The following NSG2 variants were observed in gnomAD, a reference collection of about 807,000 sequenced individuals.
NSG2 encodes neuronal vesicle trafficking associated 2.
In NSG2, 4 loss-of-function variants were observed where a neutral mutation model predicts 16.9. The ratio of observed to expected loss-of-function variants is 0.24; its 90% CI spans 0.12 to 0.54. NSG2 has a LOEUF of 0.54. Among genes scored for constraint, NSG2 ranks in the 20% least tolerant of loss-of-function variants. NSG2 has a pLI of 0.95. For missense variants in NSG2, 179 were observed against 221.1 expected (o/e 0.81, Z 1.21); for synonymous variants, 98 against 88.7 (o/e 1.11, Z -0.59).
At chr5:174,082,314 G>C (rs2113455792) in intron 3 of NSG2, 1 of 152,342 alleles carries the variant, frequency 6.6e-6, no homozygotes, top group South Asian at 2.1e-4. Context: ...CCAGGGTGCG[G>C]ACATACAGCT....
At position 174,072,573 on chromosome 5, in the gene NSG2, A is replaced by G. The variant is rs1760262141; in HGVS notation, c.213+8258A>G. ...CTAGTACCAATTAAACAGAGTTGGC[A>G]TCAGTGAGTTACCTACTAGGTCTCC... On this transcript the variant is annotated intron_variant, in intron 3 of 4. Coordinates refer to ENST00000303177, the MANE Select transcript of NSG2 (RefSeq NM_015980.5). The surrounding 1 kb of genome is among the most constrained non-coding windows in gnomAD (Gnocchi z 4.0). Among the ~76,000 whole-genome samples the G allele has an allele frequency of 6.6e-6, 1 of 152,260 alleles. No homozygotes were observed. The highest frequency in any genetic ancestry group is 1.5e-5 in the Non-Finnish European group (1 of 68,040).
At chr5:174,086,497 G>C (rs1383891978) in intron 3 of NSG2, 6 of 152,240 alleles carry the variant, frequency 3.9e-5, no homozygotes, top group Non-Finnish European at 8.8e-5. Flanking sequence ...CAATGAGGCA[G>C]GTTCCCTCTA....
At chr5:174,102,144 A>C (rs1760904478) in intron 3 of NSG2, among the ~76,000 whole-genome samples, 2 of 152,206 alleles carry the variant, frequency 1.3e-5, no homozygotes, top group Admixed American at 1.3e-4. Context: ...CTTCATATAC[A>C]CACTCATTAG....
intron 2 of NSG2, among the ~76,000 whole-genome samples, chr5:174,057,683 A>G (rs1759987024): frequency 6.6e-6 from 1 of 152,062 alleles, no homozygotes; most frequent in Non-Finnish European, 1.5e-5. Context: ...CCTCACATTA[A>G]TCTTCAAGGT....
chr5:174,058,473 G>A (rs1759998923), intron 2 of NSG2, among the ~76,000 whole-genome samples: 1 of 152,174 alleles, frequency 6.6e-6, no homozygotes, highest in South Asian at 2.1e-4. Flanking sequence ...GAACTTGGAA[G>A]TGATGGGAGT....
chr5:174,066,133 G>A, intron 3 of NSG2: 1 of 454,206 alleles, frequency 2.2e-6, no homozygotes. Flanking sequence ...TCCCTGGAAT[G>A]TGGAACTTCC....
intron 3 of NSG2, among the ~76,000 whole-genome samples, chr5:174,065,466 C>T (rs1208492480): frequency 6.6e-6 from 1 of 152,088 alleles, no homozygotes. Context: ...GGGTTTAATA[C>T]TAAAAGCAAC....
At chr5:174,099,102 C>T (rs914650393) in intron 3 of NSG2, among the ~76,000 whole-genome samples, 3 of 152,124 alleles carry the variant, frequency 2.0e-5, no homozygotes, top group Non-Finnish European at 4.4e-5. Context: ...TTGCAGGGAT[C>T]AGGCACGTAG....
intron 3 of NSG2, among the ~76,000 whole-genome samples, chr5:174,097,656 AGT>A (rs750770591): frequency 2.2e-4 from 20 of 92,550 alleles, no homozygotes; most frequent in Non-Finnish European, 3.2e-4. Context: ...TCTCTCAGTG[AGT>A]GTGTGTGTGA....
intron 3 of NSG2, among the ~76,000 whole-genome samples, chr5:174,073,509 A>T (rs907324852): frequency 4.6e-5 from 7 of 152,148 alleles, no homozygotes; most frequent in South Asian, 4.1e-4. Flanking sequence ...TTATTATTTC[A>T]CTTCTGGCCA....
chr5:174,090,685 T>G (rs1760707492), intron 3 of NSG2, among the ~76,000 whole-genome samples: 1 of 152,170 alleles, frequency 6.6e-6, no homozygotes, highest in African/African-American at 2.4e-5. Context: ...AAGGTGTGTC[T>G]GTGTGTATTT....
chr5:174,098,759 T>C (rs1432128438), intron 3 of NSG2, among the ~76,000 whole-genome samples: 2 of 152,174 alleles, frequency 1.3e-5, no homozygotes, highest in Non-Finnish European at 2.9e-5. Context: ...GGCCCTTTAG[T>C]AGACTCTCAG....
At chr5:174,083,868 T>C (rs1201658256) in intron 3 of NSG2, among the ~76,000 whole-genome samples, 1 of 152,246 alleles carries the variant, frequency 6.6e-6, no homozygotes, top group Non-Finnish European at 1.5e-5. Flanking sequence ...GACATTATTG[T>C]AATCACTCCC....
intron 3 of NSG2, chr5:174,066,100 G>A (rs1581222430): frequency 2.3e-6 from 1 of 427,936 alleles, no homozygotes; most frequent in East Asian, 7.2e-5. Context: ...CCCAGGGGAG[G>A]AGTGTGGTCC....
At chr5:174,051,627 C>T (rs964638880) in intron 2 of NSG2, among the ~76,000 whole-genome samples, 5 of 152,176 alleles carry the variant, frequency 3.3e-5, no homozygotes, top group African/African-American at 1.2e-4. Flanking sequence ...CTCTGTGAGC[C>T]AGGCACTGTG....
At chr5:174,046,111 C>T (rs1759791291) in intron 1 of NSG2, 2 of 150,822 alleles carry the variant, frequency 1.3e-5, no homozygotes, top group African/African-American at 2.4e-5. Flanking sequence ...AAAAAAATGG[C>T]CCTTCGCTAT....
At chr5:174,103,601 A>G (rs1760933820) in intron 3 of NSG2, among the ~76,000 whole-genome samples, 1 of 152,208 alleles carries the variant, frequency 6.6e-6, no homozygotes, top group South Asian at 2.1e-4. Flanking sequence ...ACTCCCCCAC[A>G]TCCCACATAG....
intron 2 of NSG2, among the ~76,000 whole-genome samples, chr5:174,051,286 C>T (rs1759884911): frequency 6.6e-6 from 1 of 152,124 alleles, no homozygotes; most frequent in Non-Finnish European, 1.5e-5. Flanking sequence ...CCCCAAATGT[C>T]AACAGCGCCA....
At chr5:174,081,659 TGCAG>T (rs1255465669) in intron 3 of NSG2, 2 of 152,086 alleles carry the variant, frequency 1.3e-5, no homozygotes, top group Non-Finnish European at 2.9e-5. Flanking sequence ...AAAAAGAATG[TGCAG>T]GCAGATCATG....
Sources: gnomAD v4.1 joint callset for allele counts (sites outside exome capture counted in the v4.1 genomes callset) on GRCh38, gnomAD v4.1.1 for gene constraint, Gnocchi (gnomAD v3.1) non-coding constraint, MANE v1.5 for transcripts, NCBI Gene and HGNC (gene_info 2026-07-23, HGNC 2026-07-21) for gene names.